Variants in LATS1 observed in about 807,000 individuals in gnomAD.
LATS1 encodes the protein serine/threonine-protein kinase LATS1.
LATS1 carries 25 observed loss-of-function variants against 106.6 expected under a neutral mutation model. The observed-to-expected ratio is 0.23, with a 90% CI of 0.17 to 0.33. The LOEUF is 0.33. Among genes scored for constraint, LATS1 ranks in the 10% least tolerant of loss-of-function variants. The probability of loss-of-function intolerance (pLI) is 1.00; values close to 1 mark genes in which losing one functional copy is unlikely to be tolerated. For missense variants in LATS1, 1,040 were observed against 1,382.6 expected (o/e 0.75, Z 3.93); for synonymous variants, 465 against 455.6 (o/e 1.02, Z -0.26).
chr6:149,709,663 CTTATCT>C (rs1444171290), intron 1 of LATS1, among the ~76,000 whole-genome samples: 1 of 136,546 alleles, frequency 7.3e-6, no homozygotes, highest in African/African-American at 2.7e-5. Context: ...TCCACAACCC[CTTATCT>C]TTTTTTTTTT....
At chr6:149,664,284 A>C in intron 7 of LATS1, among the ~76,000 whole-genome samples, 1 of 152,164 alleles carries the variant, frequency 6.6e-6, no homozygotes, top group East Asian at 1.9e-4. Context: ...GCATAAGAGA[A>C]ATGGAGGACA....
chr6:149,665,490 T>C lies in LATS1; in HGVS notation c.2884-3252A>G, dbSNP rs115740772. ...ATGCAGTTATGAGATATTGGCAGAG[T>C]TGGATAAGTAAAGCCTCACTTTCTG... On this transcript the variant is annotated intron_variant, in intron 7 of 7. Transcript: ENST00000543571. Among the ~76,000 whole-genome samples the C allele has an allele frequency of 1.6e-3, 248 of 152,182 alleles. 1 individual carries two copies. The highest frequency in any genetic ancestry group is 5.6e-3 in the African/African-American group (234 of 41,506).
intron 5 of LATS1, among the ~76,000 whole-genome samples, chr6:149,678,920 G>T (rs530662604): frequency 1.3e-5 from 2 of 152,212 alleles, no homozygotes; most frequent in South Asian, 4.1e-4. Flanking sequence ...TATAAGTTGT[G>T]TAACAGTCAT....
At chr6:149,676,497 G>C in intron 6 of LATS1, 58 bp downstream of exon 6, 2 of 1,503,538 alleles carry the variant, frequency 1.3e-6, no homozygotes, top group Non-Finnish European at 1.8e-6. Context: ...GCATATTCTA[G>C]TGTCGTTTTG....
rs148543972 is a variant in LATS1, at chr6:149,689,653, C to T, written c.497-5061G>A. ...TATAGTCTCCACTATTGCCAGTCCT[C>T]AGTCTCCTCAAACTGCCTGCTCTAG... On this transcript the variant is annotated intron_variant, in intron 3 of 7. Coordinates refer to ENST00000543571, the MANE Select transcript of LATS1 (RefSeq NM_004690.4). Among the ~76,000 whole-genome samples the T allele has an allele frequency of 5.9e-5, 9 of 152,266 alleles. No homozygotes were observed. The East Asian group carries it at 1.5e-3, about 26-fold the overall frequency.
chr6:149,682,280 G>C (rs1447395781), intron 4 of LATS1, among the ~76,000 whole-genome samples: 2 of 151,902 alleles, frequency 1.3e-5, no homozygotes, highest in African/African-American at 4.8e-5. Context: ...AATGAGAAGG[G>C]AGATATAACT....
intron 3 of LATS1, among the ~76,000 whole-genome samples, chr6:149,688,465 C>T (rs566776387): frequency 9.9e-5 from 15 of 152,032 alleles, no homozygotes; most frequent in African/African-American, 2.9e-4. Flanking sequence ...CCCACCACCA[C>T]GCCTGGCTAA....
intron 3 of LATS1, among the ~76,000 whole-genome samples, chr6:149,694,280 C>T (rs992429279): frequency 3.3e-5 from 5 of 151,930 alleles, no homozygotes; most frequent in Non-Finnish European, 7.4e-5. Context: ...GAAATAAAGC[C>T]GATGCCCAAA....
intron 4 of LATS1, 70 bp from the exon 5 acceptor site, chr6:149,680,527 G>A: frequency 9.1e-7 from 1 of 1,094,546 alleles, no homozygotes; most frequent in Non-Finnish European, 1.3e-6. Flanking sequence ...AATAGCTTGG[G>A]AAAAATTCAG....
intron 1 of LATS1, among the ~76,000 whole-genome samples, chr6:149,705,238 AT>A (rs1221733739): frequency 7.9e-5 from 12 of 152,310 alleles, no homozygotes; most frequent in Admixed American, 2.6e-4. Flanking sequence ...TCCCTAAAGC[AT>A]TTTCTTTTCT....
intron 3 of LATS1, among the ~76,000 whole-genome samples, chr6:149,689,059 C>T (rs1288561604): frequency 6.6e-6 from 1 of 151,760 alleles, no homozygotes; most frequent in African/African-American, 2.4e-5. Context: ...TCCCAGCTAC[C>T]TGGGAGGCTG....
At chr6:149,707,489 T>C (rs1310851449) in intron 1 of LATS1, among the ~76,000 whole-genome samples, 1 of 151,940 alleles carries the variant, frequency 6.6e-6, no homozygotes, top group African/African-American at 2.4e-5. Flanking sequence ...TCTTACCTTT[T>C]CCCCCCATAA....
chr6:149,712,006 C>T (rs943938997), intron 1 of LATS1, among the ~76,000 whole-genome samples: 3 of 152,100 alleles, frequency 2.0e-5, no homozygotes, highest in African/African-American at 7.2e-5. Context: ...ACGCAGCACA[C>T]AGGACACATT....
intron 2 of LATS1, among the ~76,000 whole-genome samples, chr6:149,700,852 C>T (rs145683399): frequency 0.021 from 3,126 of 152,294 alleles, 130 homozygotes; most frequent in African/African-American, 0.071. Context: ...GGCGCGATCT[C>T]GGCTCACTGT....
In LATS1 at chr6:149,695,781, C is replaced by T. The variant is rs186207360; in HGVS notation, c.349-560G>A. 6.4e-4 allele frequency among the ~76,000 whole-genome samples: 97 copies of T among 151,624 alleles called. 1 individual carries two copies. The East Asian group carries it at 0.018, about 27-fold the overall frequency. Reference sequence around the variant, plus strand: ...TATTTCTATTTCCTCCTAGGATTAACGTCTTTTTTTAAAGTATTTTTAAAT... The same window carrying T: ...TATTTCTATTTCCTCCTAGGATTAATGTCTTTTTTTAAAGTATTTTTAAAT... On this transcript the variant is annotated intron_variant, in intron 2 of 7. Transcript: ENST00000543571.
chr6:149,664,619 G>A (rs1272567095), intron 7 of LATS1, among the ~76,000 whole-genome samples: 1 of 152,170 alleles, frequency 6.6e-6, no homozygotes, highest in Non-Finnish European at 1.5e-5. Flanking sequence ...TGGTCAGGAT[G>A]CAGGAAGCAG....
intron 2 of LATS1, chr6:149,697,312 A>T (rs962741453): frequency 8.9e-6 from 4 of 449,934 alleles, no homozygotes; most frequent in Non-Finnish European, 1.6e-5. Flanking sequence ...GGAAGCAGCA[A>T]GGGTTGCCAT....
chr6:149,695,108 T>G lies in LATS1; in HGVS notation c.462A>C (p.Ala154=), dbSNP rs771319177. ...QDPRREQMAA[A]AARPINASMK... ...TGCTGGCATTAATAGGTCTGGCAGC[T>G]GCTGCAGCCATCTGCTCTCGTCGAG... The change falls in exon 3 of 8, where the codon GCA becomes GCC. Residue 154 remains alanine, a synonymous_variant. Coordinates refer to ENST00000543571, the MANE Select transcript of LATS1 (RefSeq NM_004690.4). The G allele has an allele frequency of 1.9e-6, 3 of 1,611,160 alleles. No homozygotes were observed. The highest frequency in any genetic ancestry group is 1.7e-5 in the Admixed American group (1 of 59,418).
In LATS1 at chr6:149,684,205, G is replaced by A. The variant is rs941308471; in HGVS notation, c.884C>T (p.Ala295Val). 2 of 1,614,098 alleles carry A rather than the reference G, an allele frequency of 1.2e-6. No individual in the cohort carries two copies. The highest frequency in any genetic ancestry group is 1.7e-6 in the Non-Finnish European group (2 of 1,180,044). ...ISRISPVPPG[A>V]WQEGYPPPPL... is the part of the protein sequence containing the mutation. Reference sequence around the variant, plus strand: ...TGGTGGAGGATAGCCCTCTTGCCATGCCCCAGGTGGGACAGGAGAGATTCG... The same window carrying A: ...TGGTGGAGGATAGCCCTCTTGCCATACCCCAGGTGGGACAGGAGAGATTCG... Residue 295 changes from alanine to valine, a missense_variant, in exon 4 of 8, where the codon GCA becomes GTA. Ala to Val is a moderately conservative substitution (Grantham distance 64). Around this residue, in one of 7 missense-constraint regions of LATS1, gnomAD observed 624 missense variants for 714.8 expected, o/e 0.87. Coordinates refer to ENST00000543571, the MANE Select transcript of LATS1 (RefSeq NM_004690.4).
Sources: allele counts gnomAD v4.1 joint callset (sites outside exome capture counted in the v4.1 genomes callset), GRCh38; gene constraint gnomAD v4.1.1; regional missense constraint gnomAD v4.1.1; transcripts MANE v1.5; gene names NCBI Gene and HGNC (gene_info 2026-07-23, HGNC 2026-07-21).